Variants in DNAI7 observed in about 807,000 individuals in gnomAD.
DNAI7 encodes dynein axonemal intermediate chain 7.
DNAI7 carries 78 observed loss-of-function variants against 86.6 expected under a neutral mutation model. That is an observed-to-expected ratio of 0.90 (90% CI 0.75 to 1.09). The LOEUF is 1.09. Among genes scored for constraint, DNAI7 ranks in the 50% least tolerant of loss-of-function variants. DNAI7 has a pLI of 0.00. For synonymous variants in DNAI7, 274 were observed against 273.0 expected, an observed-to-expected ratio of 1.00 and a Z score of -0.04; for missense variants, 753 against 810.2, an observed-to-expected ratio of 0.93 and a Z score of 0.86.
In DNAI7 at chr12:25,121,931, A is replaced by C. The variant is rs373836925; in HGVS notation, c.1079-18T>G. 1 of 1,524,330 alleles carries C rather than the reference A, an allele frequency of 6.6e-7. No individual in the cohort carries two copies. Among genetic ancestry groups the C allele is most frequent in the Non-Finnish European group, 8.8e-7 (1 of 1,134,044 alleles). The allele number at this position is 1,524,330 out of a possible 1,614,324, so 94.4% of individuals were successfully genotyped here. A position where few individuals can be genotyped will look rare whatever the true frequency, so the allele number is the denominator to read the frequency against. ...CAACTGTGCTAAAATTAATCAGATT[A>C]ACAGTTTTCAAATAGATTACAGTTT... On this transcript the variant is annotated intron_variant, in intron 10 of 15. Transcript: ENST00000395987.
At chr12:25,133,527 C>T (rs1943181297) in intron 9 of DNAI7, among the ~76,000 whole-genome samples, 1 of 152,146 alleles carries the variant, frequency 6.6e-6, no homozygotes, top group African/African-American at 2.4e-5. Context: ...AAGCAGTCAC[C>T]CACCACCCTT....
At chr12:25,188,673 C>CAAAAAA (rs71065918) in intron 2 of DNAI7, among the ~76,000 whole-genome samples, 3 of 130,206 alleles carry the variant, frequency 2.3e-5, no homozygotes, top group African/African-American at 3.2e-5. Flanking sequence ...GACTCTGTCT[C>CAAAAAA]AAAAAAAAAA....
At chr12:25,130,268 T>G (rs1297486827) in intron 9 of DNAI7, among the ~76,000 whole-genome samples, 2 of 151,436 alleles carry the variant, frequency 1.3e-5, no homozygotes, top group Non-Finnish European at 2.9e-5. Flanking sequence ...CCGGGCGCGG[T>G]GGCTCACGCC....
intron 2 of DNAI7, among the ~76,000 whole-genome samples, chr12:25,164,174 C>T (rs1283101914): frequency 6.6e-6 from 1 of 151,868 alleles, no homozygotes; most frequent in African/African-American, 2.4e-5. Flanking sequence ...TCCCCCGACC[C>T]TTCTCTCCAT....
At chr12:25,112,493 G>A (rs1452136737) in intron 13 of DNAI7, among the ~76,000 whole-genome samples, 7 of 134,412 alleles carry the variant, frequency 5.2e-5, no homozygotes, top group Non-Finnish European at 3.0e-5. Flanking sequence ...TGCAAGCTCT[G>A]CCTCCCAGGT....
chr12:25,144,812 T>C (rs1361263180), intron 8 of DNAI7, 135 bp from the exon 9 acceptor site: 1 of 682,494 alleles, frequency 1.5e-6, no homozygotes, highest in Non-Finnish European at 2.4e-6. Flanking sequence ...TGTGCTTTCT[T>C]TGCAGCATTT....
chr12:25,179,214 T>C (rs1259739135), intron 2 of DNAI7, among the ~76,000 whole-genome samples: 1 of 152,192 alleles, frequency 6.6e-6, no homozygotes, highest in Non-Finnish European at 1.5e-5. Context: ...TTACCTTCAA[T>C]ATAATATTCA....
At chr12:25,134,048 G>A (rs1339835000) in intron 9 of DNAI7, among the ~76,000 whole-genome samples, 1 of 152,166 alleles carries the variant, frequency 6.6e-6, no homozygotes, top group Non-Finnish European at 1.5e-5. Context: ...AGGCTTGAGT[G>A]CAGTGGCATG....
At chr12:25,152,217 A>G (rs989963899) in intron 6 of DNAI7, among the ~76,000 whole-genome samples, 6 of 152,218 alleles carry the variant, frequency 3.9e-5, no homozygotes, top group African/African-American at 1.4e-4. Context: ...ACCTGAGTTT[A>G]TGCTAATATG....
intron 6 of DNAI7, among the ~76,000 whole-genome samples, chr12:25,153,791 A>T (rs1273996868): frequency 1.3e-5 from 2 of 152,076 alleles, no homozygotes; most frequent in Non-Finnish European, 2.9e-5. Flanking sequence ...ATGAATTTAA[A>T]TTTTTTTTAA....
chr12:25,154,564 AT>A lies in DNAI7; in HGVS notation c.301-109del, dbSNP rs1349919940. On this transcript the variant is annotated intron_variant, in intron 5 of 15. Transcript: ENST00000395987. ...TTATAACCTAGTTTAACCAACTTAG[AT>A]AAAAACATGATGGCTTTAACCAGTA... The A allele has an allele frequency of 1.8e-5, 19 of 1,073,900 alleles. No individual in the cohort carries two copies. The African/African-American group carries it at 2.4e-4, about 14-fold the overall frequency. The allele number at this position is 1,073,900 out of a possible 1,614,324, so 66.5% of individuals were successfully genotyped here.
chr12:25,115,112 C>A (rs1939804364), intron 12 of DNAI7, among the ~76,000 whole-genome samples: 2 of 152,174 alleles, frequency 1.3e-5, no homozygotes, highest in Non-Finnish European at 2.9e-5. Context: ...CCATCCCTTG[C>A]CACTCCTCAA....
chr12:25,154,424 A>C lies in DNAI7; in HGVS notation c.333T>G (p.Pro111=). 2 of 1,610,748 alleles carry C rather than the reference A, an allele frequency of 1.2e-6. No homozygotes were observed. The highest frequency in any genetic ancestry group is 1.7e-6 in the Non-Finnish European group (2 of 1,179,206). The change falls in exon 6 of 16, where the codon CCT becomes CCG. Residue 111 remains proline (P), a synonymous_variant. Transcript: ENST00000395987. The part of the protein sequence containing the change: ...WKHYIQCDGS[P]DPSVAQEMNT... ...TCATTTCTTGGGCTACTGAAGGATC[A>C]GGACTCCCATCACATTGAATGTAGT...
chr12:25,137,480 A>G (rs779926346), intron 9 of DNAI7, among the ~76,000 whole-genome samples: 1 of 152,144 alleles, frequency 6.6e-6, no homozygotes, highest in Non-Finnish European at 1.5e-5. Flanking sequence ...ACATAAAAAC[A>G]AAACAAAAAA....
At chr12:25,174,603 T>C (rs1203472040) in intron 2 of DNAI7, among the ~76,000 whole-genome samples, 1 of 122,098 alleles carries the variant, frequency 8.2e-6, no homozygotes, top group Admixed American at 9.9e-5. Flanking sequence ...GATATATATA[T>C]GATATATATA....
intron 2 of DNAI7, among the ~76,000 whole-genome samples, chr12:25,165,672 T>G (rs1947378354): frequency 6.6e-6 from 1 of 152,044 alleles, no homozygotes; most frequent in Non-Finnish European, 1.5e-5. Context: ...ACAGATGCTC[T>G]GGGTAACTCT....
intron 7 of DNAI7, 132 bp from the exon 8 acceptor site, chr12:25,147,236 A>C: frequency 1.8e-6 from 1 of 546,742 alleles, no homozygotes; most frequent in Non-Finnish European, 3.2e-6. Context: ...GGGTAAAAAT[A>C]AGGTTCAATC....
chr12:25,194,767 T>C, intron 1 of DNAI7: 4 of 954,586 alleles, frequency 4.2e-6, no homozygotes, highest in Middle Eastern at 3.3e-4. Context: ...GGAACGTCTA[T>C]CACTACTGAA....
At chr12:25,122,676 T>A (rs1484770185) in intron 10 of DNAI7, among the ~76,000 whole-genome samples, 1 of 152,216 alleles carries the variant, frequency 6.6e-6, no homozygotes, top group African/African-American at 2.4e-5. Flanking sequence ...ATCCAACTGC[T>A]ATTTGCCAGG....
Sources: allele counts gnomAD v4.1 joint callset (sites outside exome capture counted in the v4.1 genomes callset), GRCh38; gene constraint gnomAD v4.1.1; transcripts MANE v1.5; gene names NCBI Gene and HGNC (gene_info 2026-07-23, HGNC 2026-07-21).